The following ZFAND3 variants were observed in gnomAD, a reference collection of about 807,000 sequenced individuals.
The protein encoded by ZFAND3 is zinc finger AN1-type containing 3, also known as AN1-type zinc finger protein 3.
ZFAND3 carries 10 observed loss-of-function variants against 29.6 expected under a neutral mutation model. The observed-to-expected ratio is 0.34, with a 90% CI of 0.21 to 0.57. ZFAND3 has a LOEUF of 0.57. Among genes scored for constraint, ZFAND3 ranks in the 20% least tolerant of loss-of-function variants. ZFAND3 has a pLI of 0.86. For missense variants in ZFAND3, 230 were observed against 304.5 expected (o/e 0.76, Z 1.82); for synonymous variants, 128 against 112.6 (o/e 1.14, Z -0.87).
At chr6:38,144,201 A>ATATATATAATATATAATATATATATAT (rs1766038287) in intron 5 of ZFAND3, among the ~76,000 whole-genome samples, 2 of 44,044 alleles carry the variant, frequency 4.5e-5, no homozygotes, top group Non-Finnish European at 4.5e-5. Context: ...ATATATATAT[A>ATATATATAATATATAATATATATATAT]TATATATATA....
chr6:38,102,805 G>A (rs1409703955), intron 4 of ZFAND3, among the ~76,000 whole-genome samples: 1 of 152,162 alleles, frequency 6.6e-6, no homozygotes, highest in Non-Finnish European at 1.5e-5. Flanking sequence ...CCCCCAGGCT[G>A]GAATGCAGTG....
At chr6:38,116,916 C>G (rs914110117) in intron 5 of ZFAND3, among the ~76,000 whole-genome samples, 177 bp downstream of exon 5, 2 of 152,140 alleles carry the variant, frequency 1.3e-5, no homozygotes, top group African/African-American at 4.8e-5. Context: ...ATGTTTGCCT[C>G]TAAACACCCT....
chr6:37,944,042 C>G (rs901573548), intron 2 of ZFAND3, among the ~76,000 whole-genome samples: 21 of 152,092 alleles, frequency 1.4e-4, no homozygotes, highest in Non-Finnish European at 2.9e-4. Context: ...TCTCTTAATT[C>G]AGGTGCTGTT....
rs372211214 is a variant in ZFAND3, at chr6:37,966,353, T to C, written c.112+36354T>C. On this transcript the variant is annotated intron_variant, in intron 2 of 5. Transcript: ENST00000287218. ...TACCAGATTTTATTTTCAGAGAAAT[T>C]AGAATTTTCAGTTAAAAAGCACATA... Among the ~76,000 whole-genome samples the C allele has an allele frequency of 1.8e-3, 272 of 152,322 alleles. 1 individual carries two copies. Among genetic ancestry groups the C allele is most frequent in the African/African-American group, 6.2e-3 (259 of 41,572 alleles).
chr6:37,997,857 A>G (rs1030689256), intron 2 of ZFAND3, among the ~76,000 whole-genome samples: 6 of 152,172 alleles, frequency 3.9e-5, no homozygotes, highest in African/African-American at 1.4e-4. Flanking sequence ...AGAGAAATAG[A>G]GGATTATTGG....
At chr6:37,829,714 C>T (rs890354954) in intron 1 of ZFAND3, among the ~76,000 whole-genome samples, 1 of 152,210 alleles carries the variant, frequency 6.6e-6, no homozygotes, top group Non-Finnish European at 1.5e-5. Flanking sequence ...CTAGCTCACC[C>T]TGTTCCCCCA....
At chr6:38,080,901 G>A (rs1200842158) in intron 3 of ZFAND3, among the ~76,000 whole-genome samples, 1 of 152,124 alleles carries the variant, frequency 6.6e-6, no homozygotes, top group African/African-American at 2.4e-5. Context: ...CACTTTATCT[G>A]GTGAATGTGG....
intron 1 of ZFAND3, among the ~76,000 whole-genome samples, chr6:37,862,473 G>A (rs1315840030): frequency 2.0e-5 from 3 of 151,206 alleles, no homozygotes; most frequent in Non-Finnish European, 4.4e-5. Flanking sequence ...GATTGCTTGA[G>A]CCCAGGAGTT....
chr6:38,073,224 G>A (rs1004140874), intron 3 of ZFAND3, among the ~76,000 whole-genome samples: 14 of 152,066 alleles, frequency 9.2e-5, no homozygotes, highest in African/African-American at 2.9e-4. Flanking sequence ...AAGCCTCTTA[G>A]GAAGAACATG....
At chr6:38,105,256 A>G (rs968097424) in intron 4 of ZFAND3, among the ~76,000 whole-genome samples, 3 of 152,142 alleles carry the variant, frequency 2.0e-5, no homozygotes, top group African/African-American at 7.2e-5. Context: ...ATAGGCTTGT[A>G]CAAGTCCAGG....
chr6:37,890,349 T>C (rs767023284), intron 1 of ZFAND3, among the ~76,000 whole-genome samples: 14 of 152,214 alleles, frequency 9.2e-5, no homozygotes, highest in Non-Finnish European at 2.1e-4. Flanking sequence ...ATTGCTGATA[T>C]TTGGACATTT....
At chr6:37,926,573 T>G (rs1423885763) in intron 1 of ZFAND3, among the ~76,000 whole-genome samples, 2 of 152,218 alleles carry the variant, frequency 1.3e-5, no homozygotes, top group African/African-American at 4.8e-5. Flanking sequence ...CAGGGTAATC[T>G]CATCTCAAAA....
At chr6:37,828,447 C>T (rs918771310) in intron 1 of ZFAND3, among the ~76,000 whole-genome samples, 1 of 152,124 alleles carries the variant, frequency 6.6e-6, no homozygotes, top group Non-Finnish European at 1.5e-5. Flanking sequence ...GCAAAATCGT[C>T]TCCTGAAAAG....
chr6:37,871,692 G>T (rs1232289227), intron 1 of ZFAND3, among the ~76,000 whole-genome samples: 1 of 152,114 alleles, frequency 6.6e-6, no homozygotes, highest in African/African-American at 2.4e-5. Flanking sequence ...TACACATTCA[G>T]GTTATCATAG....
intron 1 of ZFAND3, among the ~76,000 whole-genome samples, chr6:37,896,568 TTC>T (rs1168638603): frequency 7.5e-5 from 11 of 145,740 alleles, no homozygotes; most frequent in Middle Eastern, 3.5e-3. Context: ...CTTTCTTTCT[TTC>T]TCTCTTTCTC....
At chr6:38,091,415 T>G (rs2127474107) in intron 4 of ZFAND3, among the ~76,000 whole-genome samples, 1 of 151,002 alleles carries the variant, frequency 6.6e-6, no homozygotes, top group Admixed American at 6.6e-5. Context: ...CCTGAGCCAA[T>G]ACTATTTAAA....
chr6:38,098,920 G>C (rs577248701), intron 4 of ZFAND3, among the ~76,000 whole-genome samples: 1 of 151,958 alleles, frequency 6.6e-6, no homozygotes, highest in East Asian at 1.9e-4. Context: ...TTTTGTTTTT[G>C]TTTTGGTAGA....
At chr6:37,942,549 G>C (rs1008679664) in intron 2 of ZFAND3, among the ~76,000 whole-genome samples, 1 of 152,016 alleles carries the variant, frequency 6.6e-6, no homozygotes, top group Non-Finnish European at 1.5e-5. Flanking sequence ...ATCAAGCCAA[G>C]TTTTCAATTT....
intron 2 of ZFAND3, among the ~76,000 whole-genome samples, chr6:38,038,304 G>A (rs1315188662): frequency 2.0e-5 from 3 of 152,196 alleles, no homozygotes; most frequent in Non-Finnish European, 4.4e-5. Flanking sequence ...CAGAGATGAT[G>A]GATGCAGTGC....
Sources: gnomAD v4.1 joint callset for allele counts (sites outside exome capture counted in the v4.1 genomes callset) on GRCh38, gnomAD v4.1.1 for gene constraint, MANE v1.5 for transcripts, NCBI Gene and HGNC (gene_info 2026-07-23, HGNC 2026-07-21) for gene names.